The following PDCD1 variants were observed in gnomAD, a reference collection of about 807,000 sequenced individuals.
The protein encoded by PDCD1 is programmed cell death protein 1.
Under a neutral mutation model 23.6 loss-of-function variants are expected in PDCD1, and 10 were observed. The observed-to-expected ratio is 0.42, with a 90% CI of 0.26 to 0.72. PDCD1 has a LOEUF of 0.72. PDCD1 is among the 30% of genes least tolerant of loss of function. The pLI, the probability that PDCD1 is intolerant of heterozygous loss-of-function variation, is 0.24. For synonymous variants in PDCD1, 168 were observed against 169.3 expected (o/e 0.99, Z 0.06); for missense variants, 313 against 397.8 (o/e 0.79, Z 1.81).
chr2:241,854,095 G>T (rs182832749), intron 1 of PDCD1, among the ~76,000 whole-genome samples: 114 of 152,290 alleles, frequency 7.5e-4, no homozygotes, highest in African/African-American at 2.5e-3. Context: ...GTGCTGGCTG[G>T]ACACCAGAGG....
chr2:241,852,533 C>A (rs1700924760), intron 2 of PDCD1, 88 bp downstream of exon 2: 2 of 1,492,496 alleles, frequency 1.3e-6, no homozygotes, highest in South Asian at 2.6e-5. Flanking sequence ...TGCCCTACGA[C>A]CCTGGAGCTC....
chr2:241,858,424 C>T (rs951599025), intron 1 of PDCD1, among the ~76,000 whole-genome samples: 1 of 152,292 alleles, frequency 6.6e-6, no homozygotes, highest in Admixed American at 6.5e-5. Context: ...CCCCAAGGAC[C>T]GGCTGAGAGG....
Position 241,852,308 on chromosome 2 carries a change from C to G in PDCD1, c.482G>C (p.Arg161Thr), listed in dbSNP as rs1700920988. The G allele has an allele frequency of 3.1e-6, 5 of 1,610,848 alleles. No homozygotes were observed. The highest frequency in any genetic ancestry group is 2.7e-5 in the African/African-American group (2 of 74,890). The change falls in exon 3 of 5, where the codon AGG (arginine) becomes ACG (threonine). Residue 161 changes from arginine (R) to threonine (T), a missense_variant. Physicochemically the swap from Arg to Thr is moderately conservative, Grantham distance 71 (BLOSUM62 -1). Around this residue, in one of 3 missense-constraint regions of PDCD1, gnomAD observed 158 missense variants for 177.5 expected, o/e 0.89. Coordinates refer to ENST00000334409, the MANE Select transcript of PDCD1 (RefSeq NM_005018.3). ...CAGGGTTTGGAACTGGCCGGCTGGC[C>G]TGGGTGAGGGGCTGGGGTGGGCTGT... ...VPTAHPSPSP[R>T]PAGQFQTLVV...
In PDCD1 at chr2:241,858,780, C is replaced by T. The variant is rs368550965; in HGVS notation, c.59G>A (p.Arg20Gln). 46 of 1,592,526 alleles carry T rather than the reference C, an allele frequency of 2.9e-5. No individual in the cohort carries two copies. Among genetic ancestry groups the T allele is most frequent in the Middle Eastern group, 1.7e-4 (1 of 6,036 alleles). The change falls in exon 1 of 5, where the codon CGG (arginine) becomes CAG (glutamine). Residue 20 changes from arginine to glutamine, a missense_variant. Arg to Gln is a conservative substitution (Grantham distance 43). This residue lies in a region of PDCD1 where 135 missense variants were observed against 166.9 expected (regional missense o/e 0.81). Coordinates refer to ENST00000334409, the MANE Select transcript of PDCD1 (RefSeq NM_005018.3). ...CCACCTACCTAAGAACCATCCTGGC[C>T]GCCAGCCCAGTTGTAGCACCGCCCA... ...VVWAVLQLGW[R>Q]PGWFLDSPDR...
At position 241,851,965 on chromosome 2, in the gene PDCD1, C is replaced by T. The variant is rs773349951; in HGVS notation, c.611G>A (p.Arg204His). ...GAGACTCACCAGGGGCTGGCCGGTG[C>T]GCCTGGCTCCTATTGTCCCTGCAGA... ...RAARGTIGAR[R>H]TGQPLKEDPS... The change falls in exon 4 of 5, where the codon CGC becomes CAC. Residue 204 changes from arginine to histidine, a missense_variant. Around this residue, in one of 3 missense-constraint regions of PDCD1, gnomAD observed 158 missense variants for 177.5 expected, o/e 0.89. Transcript: ENST00000334409. 7.7e-5 allele frequency: 124 copies of T among 1,613,424 alleles called. No individual in the cohort carries two copies. The highest frequency in any genetic ancestry group is 9.4e-5 in the Non-Finnish European group (111 of 1,179,798).
intron 1 of PDCD1, among the ~76,000 whole-genome samples, chr2:241,857,810 G>T (rs1416649516): frequency 6.6e-6 from 1 of 152,194 alleles, no homozygotes; most frequent in East Asian, 1.9e-4. Flanking sequence ...GGCCCCAGGG[G>T]TGCCCCTCAT....
intron 1 of PDCD1, among the ~76,000 whole-genome samples, chr2:241,854,162 C>A (rs1331413122): frequency 6.6e-6 from 1 of 152,212 alleles, no homozygotes; most frequent in Non-Finnish European, 1.5e-5. Context: ...CACTGGGCAC[C>A]CTCCCAGGGG....
At chr2:241,857,456 G>T (rs916519952) in intron 1 of PDCD1, among the ~76,000 whole-genome samples, 1 of 152,208 alleles carries the variant, frequency 6.6e-6, no homozygotes, top group Non-Finnish European at 1.5e-5. Flanking sequence ...CCGGGACACG[G>T]GGGGAGAGGC....
intron 1 of PDCD1, among the ~76,000 whole-genome samples, chr2:241,853,495 G>A (rs907706536): frequency 6.6e-6 from 1 of 152,276 alleles, no homozygotes; most frequent in Non-Finnish European, 1.5e-5. Context: ...GGACCACGTG[G>A]TATGGGCATT....
rs2124861493 is a variant in PDCD1, at chr2:241,852,933, G to A, written c.124C>T (p.Leu42Phe). ...WNPPTFSPAL[L>F]VVTEGDNATF... ...GCGTTGTCCCCTTCGGTCACCACGA[G>A]CAGGGCTGGGGAGAAGGTGGGGGGG... The change falls in exon 2 of 5, where the codon CTC (leucine) becomes TTC (phenylalanine). Residue 42 changes from leucine (L) to phenylalanine (F), a missense_variant. Transcript: ENST00000334409. The A allele has an allele frequency of 6.3e-7, 1 of 1,584,154 alleles. No homozygotes were observed.
At chr2:241,857,320 C>G (rs1168925418) in intron 1 of PDCD1, among the ~76,000 whole-genome samples, 1 of 152,224 alleles carries the variant, frequency 6.6e-6, no homozygotes, top group Admixed American at 6.5e-5. Flanking sequence ...AGGCATGCCA[C>G]CTGTGAGAGT....
rs968014028 is a variant in PDCD1 at position 241,850,973 on chromosome 2, C to T, written c.*85G>A. The T allele has an allele frequency of 1.7e-5, 26 of 1,512,322 alleles. No homozygotes were observed. The South Asian group carries it at 3.0e-4, about 17-fold the overall frequency. 93.7% of individuals were successfully genotyped at this position (1,512,322 alleles called of 1,614,324 possible). ...CCCCTGGACGGCCTGCAATGGCCTG[C>T]ACCCTGCCTGCTTCTCCTGAGGAAA... On this transcript the variant is annotated 3_prime_UTR_variant, in exon 5 of 5. Transcript: ENST00000334409.
At chr2:241,853,724 C>T (rs369235239) in intron 1 of PDCD1, among the ~76,000 whole-genome samples, 2 of 152,276 alleles carry the variant, frequency 1.3e-5, no homozygotes, top group African/African-American at 2.4e-5. Context: ...GTGGGGGTCG[C>T]GGCTCTTCCG....
intron 1 of PDCD1, among the ~76,000 whole-genome samples, chr2:241,853,805 G>T (rs1053896052): frequency 2.6e-5 from 4 of 152,252 alleles, no homozygotes; most frequent in Admixed American, 2.0e-4. Flanking sequence ...TGATTTTCCC[G>T]GCTCACCCAC....
chr2:241,851,867 T>C lies in PDCD1; in HGVS notation c.627+82A>G, dbSNP rs1463317950. On this transcript the variant is annotated intron_variant, in intron 4 of 4. Coordinates refer to ENST00000334409, the MANE Select transcript of PDCD1 (RefSeq NM_005018.3). ...AATAGAATGTGAGTCCTGCAGGCCG[T>C]GTGGTCCCAGCCTGTCCTTCCACCT... is the stretch of plus-strand genomic sequence containing the variant. The C allele has an allele frequency of 2.3e-6, 3 of 1,303,814 alleles. No individual in the cohort carries two copies. In the African/African-American group the frequency reaches 4.4e-5, roughly 19 times the overall value. The allele number at this position is 1,303,814 out of a possible 1,614,324, so 80.8% of individuals were successfully genotyped here. A position where few individuals can be genotyped will look rare whatever the true frequency, so the allele number is the denominator to read the frequency against.
At position 241,852,992 on chromosome 2, in the gene PDCD1, A is replaced by C; in HGVS notation, c.77-12T>G. On this transcript the variant is annotated splice_polypyrimidine_tract_variant and intron_variant, in intron 1 of 4. Coordinates refer to ENST00000334409, the MANE Select transcript of PDCD1 (RefSeq NM_005018.3). Reference sequence around the variant, plus strand: ...CCTGTCTGGGGAGTCTGAGAGATGGAGAGAGGTGAGGAAGGGGCTGGGTGG... The same window carrying C: ...CCTGTCTGGGGAGTCTGAGAGATGGCGAGAGGTGAGGAAGGGGCTGGGTGG... The C allele has an allele frequency of 6.5e-7, 1 of 1,543,580 alleles. No homozygotes were observed. The highest frequency in any genetic ancestry group is 8.7e-7 in the Non-Finnish European group (1 of 1,149,596).
At position 241,852,718 on chromosome 2, in the gene PDCD1, G is replaced by A. The variant is rs1266286689; in HGVS notation, c.339C>T (p.Ala113=). The A allele has an allele frequency of 1.2e-6, 2 of 1,613,822 alleles. No individual in the cohort carries two copies. The highest frequency in any genetic ancestry group is 1.7e-5 in the Admixed American group (1 of 60,034). ...GRDFHMSVVR[A]RRNDSGTYLC... is the part of the protein sequence containing the mutation. The stretch of plus-strand genomic sequence containing the variant: ...GGTAGGTGCCGCTGTCATTGCGCCG[G>A]GCCCTGACCACGCTCATGTGGAAGT... Residue 113 remains alanine (A), a synonymous_variant, in exon 2 of 5, where the codon GCC becomes GCT. Transcript: ENST00000334409.
At chr2:241,856,464 CG>C (rs112489656) in intron 1 of PDCD1, among the ~76,000 whole-genome samples, 420 of 152,310 alleles carry the variant, frequency 2.8e-3, no homozygotes, top group Non-Finnish European at 4.7e-3. Flanking sequence ...TGTTTTTAAA[CG>C]TTTTTGTATA....
At chr2:241,856,385 C>T (rs1701027770) in intron 1 of PDCD1, among the ~76,000 whole-genome samples, 1 of 152,254 alleles carries the variant, frequency 6.6e-6, no homozygotes, top group African/African-American at 2.4e-5. Flanking sequence ...ATGGCAGCTC[C>T]AGCCGCCCAG....
Sources: gnomAD v4.1 joint callset for allele counts (sites outside exome capture counted in the v4.1 genomes callset) on GRCh38, gnomAD v4.1.1 for gene constraint, gnomAD v4.1.1 regional missense constraint, MANE v1.5 for transcripts, NCBI Gene and HGNC (gene_info 2026-07-23, HGNC 2026-07-21) for gene names.